STPG2: variants seen among roughly 807,000 people sequenced by gnomAD.
The protein encoded by STPG2 is sperm-tail PG-rich repeat-containing protein 2.
STPG2 carries 56 observed loss-of-function variants against 54.2 expected under a neutral mutation model. The ratio of observed to expected loss-of-function variants is 1.03; its 90% CI spans 0.83 to 1.29. The LOEUF is 1.29. STPG2 is among the 50% of genes most tolerant of loss of function. The pLI is 0.00. For missense variants in STPG2, 596 were observed against 544.9 expected (o/e 1.09, Z -0.93); for synonymous variants, 200 against 181.8 (o/e 1.10, Z -0.81).
At chr4:98,027,796 A>G (rs147538942) in intron 5 of STPG2, among the ~76,000 whole-genome samples, 1 of 152,298 alleles carries the variant, frequency 6.6e-6, no homozygotes, top group East Asian at 1.9e-4. Context: ...TTTTTCATGA[A>G]GAATAGCATT....
At chr4:98,129,447 A>G (rs1363027467) in intron 2 of STPG2, among the ~76,000 whole-genome samples, 1 of 150,878 alleles carries the variant, frequency 6.6e-6, no homozygotes, top group Non-Finnish European at 1.5e-5. Flanking sequence ...GAAATAGCAA[A>G]ATATAAAAGT....
At chr4:97,728,905 G>A (rs1724704030) in intron 9 of STPG2, among the ~76,000 whole-genome samples, 1 of 151,826 alleles carries the variant, frequency 6.6e-6, no homozygotes, top group Non-Finnish European at 1.5e-5. Context: ...GTGCATGCAT[G>A]TGTGTGTGTG....
chr4:98,087,148 T>C (rs1248974113), intron 5 of STPG2, among the ~76,000 whole-genome samples: 3 of 152,194 alleles, frequency 2.0e-5, no homozygotes, highest in Non-Finnish European at 4.4e-5. Context: ...CTGGATATAT[T>C]ATTATCGTCT....
At chr4:97,922,572 C>G (rs762800969) in intron 8 of STPG2, among the ~76,000 whole-genome samples, 1 of 152,124 alleles carries the variant, frequency 6.6e-6, no homozygotes, top group Non-Finnish European at 1.5e-5. Context: ...TATAAAAATG[C>G]ACAGGTATGC....
intron 4 of STPG2, among the ~76,000 whole-genome samples, chr4:97,476,449 T>C (rs931637332): frequency 1.3e-5 from 2 of 152,150 alleles, no homozygotes; most frequent in African/African-American, 2.4e-5. Flanking sequence ...TTTTTTCTTT[T>C]TGCCATATAC....
intron 7 of STPG2, among the ~76,000 whole-genome samples, chr4:97,967,868 A>T (rs965311568): frequency 7.9e-5 from 12 of 152,230 alleles, no homozygotes; most frequent in African/African-American, 2.4e-4. Flanking sequence ...CAGGGTGTAG[A>T]GGGAAATTTA....
intron 10 of STPG2, among the ~76,000 whole-genome samples, chr4:97,595,013 T>A (rs1313603335): frequency 3.9e-5 from 6 of 152,186 alleles, no homozygotes; most frequent in Non-Finnish European, 7.3e-5. Context: ...GACTGTAAAC[T>A]AGTTCAACCA....
intron 5 of STPG2, among the ~76,000 whole-genome samples, chr4:98,087,672 C>T (rs56739861): frequency 0.4 from 59,664 of 150,852 alleles, 12,049 homozygotes; most frequent in Middle Eastern, 0.47. Context: ...GCCATTCTCC[C>T]GCCTCTGCCT....
intron 9 of STPG2, among the ~76,000 whole-genome samples, chr4:97,735,834 A>G (rs1724969368): frequency 6.6e-6 from 1 of 152,098 alleles, no homozygotes; most frequent in Non-Finnish European, 1.5e-5. Flanking sequence ...AGGAACACAT[A>G]CAACTCAATA....
Position 97,942,401 on chromosome 4 carries a change from GATGAAGAA to G in STPG2, c.1044+1488_1044+1495del, listed in dbSNP as rs572902252. Among the ~76,000 whole-genome samples the G allele has an allele frequency of 4.6e-3, 697 of 151,994 alleles. 2 individuals carry two copies. The highest frequency in any genetic ancestry group is 0.016 in the African/African-American group (660 of 41,506). ...ACAGTTGAACTCTAAAATTCCTCAA[GATGAAGAA>G]ATAATCCATTAAAACAGCACTATTA... On this transcript the variant is annotated intron_variant, in intron 8 of 10. Coordinates refer to ENST00000295268, the MANE Select transcript of STPG2 (RefSeq NM_174952.3).
At chr4:97,984,927 T>G (rs1734785125) in intron 5 of STPG2, among the ~76,000 whole-genome samples, 1 of 152,222 alleles carries the variant, frequency 6.6e-6, no homozygotes, top group Non-Finnish European at 1.5e-5. Context: ...GTGCTTGCAC[T>G]TTACCTCCTC....
intron 4 of STPG2, among the ~76,000 whole-genome samples, chr4:97,464,655 C>T (rs528857867): frequency 6.6e-6 from 1 of 152,252 alleles, no homozygotes; most frequent in Non-Finnish European, 1.5e-5. Context: ...GATCTGCCTG[C>T]CTTGGCCTCC....
At chr4:97,548,719 A>G (rs1731899798) in intron 4 of STPG2, among the ~76,000 whole-genome samples, 2 of 152,130 alleles carry the variant, frequency 1.3e-5, no homozygotes, top group Non-Finnish European at 2.9e-5. Context: ...TGATTTATGT[A>G]GTTGTTTAGA....
chr4:97,919,612 A>C (rs921086251), intron 8 of STPG2, among the ~76,000 whole-genome samples: 11 of 152,136 alleles, frequency 7.2e-5, no homozygotes, highest in Non-Finnish European at 1.2e-4. Flanking sequence ...AATGAATAAA[A>C]GTAGACAAAA....
downstream of STPG2, among the ~76,000 whole-genome samples, chr4:97,555,647 C>T (rs927287537): frequency 6.6e-6 from 1 of 152,028 alleles, no homozygotes; most frequent in Non-Finnish European, 1.5e-5. Flanking sequence ...AGTAAGGGGA[C>T]ATAATAATTC....
intron 8 of STPG2, among the ~76,000 whole-genome samples, chr4:97,862,039 A>T (rs555902898): frequency 4.7e-4 from 71 of 152,242 alleles, no homozygotes; most frequent in African/African-American, 1.7e-3. Flanking sequence ...ACCAGCTAAC[A>T]TCATAATGAC....
chr4:97,508,604 A>G (rs1190578155), intron 4 of STPG2, among the ~76,000 whole-genome samples: 1 of 152,148 alleles, frequency 6.6e-6, no homozygotes, highest in East Asian at 1.9e-4. Context: ...TTATTAATTC[A>G]GTATTACTGT....
At chr4:97,693,168 C>CA (rs1158150492) in intron 10 of STPG2, among the ~76,000 whole-genome samples, 5 of 148,186 alleles carry the variant, frequency 3.4e-5, no homozygotes, top group African/African-American at 1.2e-4. Flanking sequence ...ATTCAGGCAA[C>CA]AAATAGCATG....
chr4:97,967,278 A>T (rs190068925), intron 7 of STPG2, among the ~76,000 whole-genome samples: 1 of 152,180 alleles, frequency 6.6e-6, no homozygotes, highest in Non-Finnish European at 1.5e-5. Flanking sequence ...AGGCCATTAC[A>T]TAATGGTAAA....
Sources: gnomAD v4.1 joint callset for allele counts (sites outside exome capture counted in the v4.1 genomes callset) on GRCh38, gnomAD v4.1.1 for gene constraint, MANE v1.5 for transcripts, NCBI Gene and HGNC (gene_info 2026-07-23, HGNC 2026-07-21) for gene names.